ZRANB1: variants seen among roughly 807,000 people sequenced by gnomAD.
The protein encoded by ZRANB1 is zinc finger RANBP2-type containing 1.
A neutral mutation model predicts 80.5 loss-of-function variants in ZRANB1; 16 were observed. The observed-to-expected ratio is 0.20, with a 90% CI of 0.13 to 0.30. The LOEUF (loss-of-function observed/expected upper bound fraction) is 0.30, where lower values mean the gene tolerates loss of function less well. ZRANB1 is among the 10% of genes least tolerant of loss of function. The pLI, the probability that ZRANB1 is intolerant of heterozygous loss-of-function variation, is 1.00. For missense variants in ZRANB1, 576 were observed against 862.6 expected, an observed-to-expected ratio of 0.67 and a Z score of 4.16; for synonymous variants, 291 against 293.1, an observed-to-expected ratio of 0.99 and a Z score of 0.07.
At chr10:124,937,682 A>G (rs548360064), upstream of ZRANB1, among the ~76,000 whole-genome samples, 21 of 152,248 alleles carry the variant, frequency 1.4e-4, no homozygotes, top group Admixed American at 5.2e-4. Flanking sequence ...CCCGCCTGCT[A>G]TTAGTACATA....
At chr10:124,928,121 ACAT>A in the ZRANB1 span, among the ~76,000 whole-genome samples, 1 of 152,214 alleles carries the variant, frequency 6.6e-6, no homozygotes, top group Non-Finnish European at 1.5e-5. Flanking sequence ...CGAGGTGGGA[ACAT>A]TTAAGCTGGT....
the ZRANB1 span, among the ~76,000 whole-genome samples, chr10:124,928,072 C>T: frequency 2.0e-5 from 3 of 152,018 alleles, no homozygotes; most frequent in African/African-American, 4.8e-5. Flanking sequence ...TAAGTTTATT[C>T]AGTAACATGA....
upstream of ZRANB1, among the ~76,000 whole-genome samples, chr10:124,938,279 C>T (rs1484294215): frequency 6.6e-6 from 1 of 151,910 alleles, no homozygotes; most frequent in Non-Finnish European, 1.5e-5. Context: ...CTGTTCAGTG[C>T]TGTTTACTAA....
chr10:124,969,691 T>G (rs1469290740), intron 2 of ZRANB1, among the ~76,000 whole-genome samples: 2 of 152,170 alleles, frequency 1.3e-5, no homozygotes, highest in Non-Finnish European at 2.9e-5. Flanking sequence ...AAACTAAATT[T>G]GTGATATATA....
At chr10:124,955,468 G>A (rs113255673) in intron 1 of ZRANB1, among the ~76,000 whole-genome samples, 7 of 152,192 alleles carry the variant, frequency 4.6e-5, no homozygotes, top group African/African-American at 1.2e-4. Flanking sequence ...GCCTGCATCC[G>A]TAAAAGGAAA....
At chr10:124,943,615 T>G (rs1951555616) in intron 1 of ZRANB1, among the ~76,000 whole-genome samples, 1 of 152,230 alleles carries the variant, frequency 6.6e-6, no homozygotes, top group African/African-American at 2.4e-5. Context: ...CAAGTATGCA[T>G]ACATAAAAAT....
At chr10:124,949,523 AT>A (rs1554936765) in intron 1 of ZRANB1, among the ~76,000 whole-genome samples, 5 of 116,832 alleles carry the variant, frequency 4.3e-5, no homozygotes, top group African/African-American at 1.8e-4. Flanking sequence ...ACACACACAC[AT>A]TTTTTTTTTT....
chr10:124,939,653 A>G (rs1951517789), upstream of ZRANB1, among the ~76,000 whole-genome samples: 1 of 152,206 alleles, frequency 6.6e-6, no homozygotes, highest in South Asian at 2.1e-4. Context: ...ATTTTAAAAG[A>G]TATATTGAAA....
At chr10:124,982,504 G>A (rs1215773388) in intron 6 of ZRANB1, among the ~76,000 whole-genome samples, 1 of 152,174 alleles carries the variant, frequency 6.6e-6, no homozygotes, top group Non-Finnish European at 1.5e-5. Context: ...TTGTCCCTTA[G>A]ACTCTTGGTT....
Position 124,966,240 on chromosome 10 carries a change from G to A in ZRANB1, c.815-354G>A, listed in dbSNP as rs117046445. Among the ~76,000 whole-genome samples, 35 of 152,174 alleles carry A rather than the reference G, an allele frequency of 2.3e-4. 1 individual carries two copies. In the East Asian group the frequency reaches 6.6e-3, roughly 29 times the overall value. On this transcript the variant is annotated intron_variant, in intron 1 of 8. Coordinates refer to ENST00000359653, the MANE Select transcript of ZRANB1 (RefSeq NM_017580.3). ...TCCTTGGTTTCTGCAGAGTCAGGAT[G>A]AACGCAGGACCGGAACCAGGGGCTC...
At chr10:124,968,123 C>G (rs1342142287) in intron 2 of ZRANB1, among the ~76,000 whole-genome samples, 2 of 152,260 alleles carry the variant, frequency 1.3e-5, no homozygotes, top group African/African-American at 4.8e-5. Flanking sequence ...TCTTGAACTC[C>G]TGACCTCAAG....
intron 1 of ZRANB1, among the ~76,000 whole-genome samples, chr10:124,954,418 G>A (rs913672068): frequency 6.7e-6 from 1 of 149,936 alleles, no homozygotes; most frequent in Non-Finnish European, 1.5e-5. Context: ...ACACAAAAAT[G>A]GTTTGAGTTA....
At chr10:124,974,531 TA>T (rs1951857410) in intron 5 of ZRANB1, 133 bp downstream of exon 5, 2 of 896,350 alleles carry the variant, frequency 2.2e-6, no homozygotes, top group East Asian at 5.3e-5. Flanking sequence ...TTTTGGACAT[TA>T]AAATACTTTG....
At chr10:124,973,747 C>T in intron 4 of ZRANB1, 31 bp downstream of exon 4, 1 of 1,586,570 alleles carries the variant, frequency 6.3e-7, no homozygotes, top group Non-Finnish European at 8.6e-7. Context: ...TATAATTTAC[C>T]TTTCATCTGA....
chr10:124,924,703 A>G, the ZRANB1 span, among the ~76,000 whole-genome samples: 1 of 152,084 alleles, frequency 6.6e-6, no homozygotes, highest in Non-Finnish European at 1.5e-5. Context: ...TTGTTTATCC[A>G]TTCATTGATT....
At chr10:124,920,220 C>G in the ZRANB1 span, among the ~76,000 whole-genome samples, 4 of 152,308 alleles carry the variant, frequency 2.6e-5, no homozygotes, top group African/African-American at 9.6e-5. Context: ...CCACCGCACT[C>G]GGCCGGATTT....
chr10:124,922,305 A>C, the ZRANB1 span, among the ~76,000 whole-genome samples: 3 of 62,370 alleles, frequency 4.8e-5, no homozygotes, highest in African/African-American at 1.2e-4. Context: ...TGTAAAATAT[A>C]TATATATATG....
intron 1 of ZRANB1, among the ~76,000 whole-genome samples, chr10:124,960,402 T>G (rs1016517799): frequency 1.2e-4 from 18 of 152,120 alleles, no homozygotes; most frequent in African/African-American, 4.3e-4. Flanking sequence ...ATTATGAAAG[T>G]TTTTCCTTTT....
chr10:124,947,523 C>A (rs2134249073), intron 1 of ZRANB1, among the ~76,000 whole-genome samples: 1 of 152,286 alleles, frequency 6.6e-6, no homozygotes, highest in East Asian at 1.9e-4. Flanking sequence ...CATATTAAAT[C>A]TGTGCTGTAA....
Sources: allele counts gnomAD v4.1 joint callset (sites outside exome capture counted in the v4.1 genomes callset), GRCh38; gene constraint gnomAD v4.1.1; transcripts MANE v1.5; gene names NCBI Gene and HGNC (gene_info 2026-07-23, HGNC 2026-07-21).